C1orf105: variants seen among roughly 807,000 people sequenced by gnomAD.
The protein encoded by C1orf105 is uncharacterized protein C1orf105.
C1orf105 carries 17 observed loss-of-function variants against 20.8 expected under a neutral mutation model. The ratio of observed to expected loss-of-function variants is 0.82; its 90% CI spans 0.56 to 1.23. The LOEUF (loss-of-function observed/expected upper bound fraction) is 1.23. Ranked by LOEUF, C1orf105 falls within the 50% of genes most tolerant of loss-of-function variation. The probability of loss-of-function intolerance (pLI) is 0.00; values close to 1 mark genes in which losing one functional copy is unlikely to be tolerated. For missense variants in C1orf105, 219 were observed against 213.5 expected, an observed-to-expected ratio of 1.03 and a Z score of -0.16; for synonymous variants, 72 against 72.1, an observed-to-expected ratio of 1.00 and a Z score of 0.01.
At chr1:172,421,797 C>T (rs953797350) in intron 1 of C1orf105, among the ~76,000 whole-genome samples, 1 of 152,176 alleles carries the variant, frequency 6.6e-6, no homozygotes, top group Non-Finnish European at 1.5e-5. Flanking sequence ...ACCCCTCCCC[C>T]ATCCCCTGGC....
At chr1:172,452,751 T>C (rs1648793063) in intron 3 of C1orf105, 1 of 1,284,614 alleles carries the variant, frequency 7.8e-7, no homozygotes, top group Non-Finnish European at 9.9e-7. Flanking sequence ...TTGGCCAGGC[T>C]ACACATAGGT....
chr1:172,457,946 C>T (rs1285399177), intron 4 of C1orf105, among the ~76,000 whole-genome samples: 1 of 152,228 alleles, frequency 6.6e-6, no homozygotes, highest in Non-Finnish European at 1.5e-5. Flanking sequence ...AGTAATACCT[C>T]AAAGTCCTCC....
intron 1 of C1orf105, chr1:172,442,792 A>G: frequency 3.3e-6 from 2 of 608,216 alleles, no homozygotes; most frequent in Non-Finnish European, 5.9e-6. Context: ...CCTACAATAG[A>G]TGAATTTGTC....
intron 3 of C1orf105, among the ~76,000 whole-genome samples, chr1:172,450,430 A>G (rs1394351289): frequency 6.6e-6 from 1 of 152,260 alleles, no homozygotes; most frequent in Admixed American, 6.5e-5. Flanking sequence ...TACTGCGTGT[A>G]TGAAGGCCTG....
At chr1:172,442,687 T>C (rs918683612) in intron 1 of C1orf105, 10 of 1,405,304 alleles carry the variant, frequency 7.1e-6, no homozygotes, top group Non-Finnish European at 9.9e-6. Context: ...GTGGTTCTTG[T>C]TCTTTATGAA....
chr1:172,446,819 A>G (rs1209449124), intron 2 of C1orf105, among the ~76,000 whole-genome samples: 1 of 152,212 alleles, frequency 6.6e-6, no homozygotes. Context: ...TTGACAGCCA[A>G]CTGGAAAGGG....
intron 1 of C1orf105, among the ~76,000 whole-genome samples, chr1:172,437,639 C>T (rs1039935410): frequency 8.0e-5 from 12 of 150,782 alleles, no homozygotes; most frequent in East Asian, 2.0e-4. Context: ...ATGTAAATGA[C>T]GAGTTGATGG....
intron 3 of C1orf105, among the ~76,000 whole-genome samples, chr1:172,449,143 G>C (rs1648331126): frequency 6.6e-6 from 1 of 152,254 alleles, no homozygotes; most frequent in South Asian, 2.1e-4. Context: ...TAAGGCACTC[G>C]ACACGGTGCC....
intron 4 of C1orf105, among the ~76,000 whole-genome samples, chr1:172,458,897 A>G (rs1649497543): frequency 6.6e-6 from 1 of 152,234 alleles, no homozygotes; most frequent in African/African-American, 2.4e-5. Context: ...TCTTATGTTT[A>G]TAAACAATTG....
In C1orf105 at chr1:172,454,459, G is replaced by T. The variant is rs945901646; in HGVS notation, c.199-1956G>T. On this transcript the variant is annotated intron_variant, in intron 3 of 6. Transcript: ENST00000367727. ...GGGATATCACCCCCAGGGGTATCAG[G>T]AAGACATGGTAGAAAGTTGAATCAG... Among the ~76,000 whole-genome samples the T allele has an allele frequency of 2.6e-5, 4 of 151,944 alleles. No homozygotes were observed. In the South Asian group the frequency reaches 8.3e-4, roughly 32 times the overall value.
intron 3 of C1orf105, among the ~76,000 whole-genome samples, chr1:172,450,863 G>A (rs1374110473): frequency 6.6e-6 from 1 of 152,194 alleles, no homozygotes; most frequent in Non-Finnish European, 1.5e-5. Context: ...ACACAGAGAT[G>A]AGGGACAAAA....
intron 2 of C1orf105, among the ~76,000 whole-genome samples, chr1:172,447,033 G>C (rs1422006557): frequency 6.6e-6 from 1 of 152,186 alleles, no homozygotes; most frequent in African/African-American, 2.4e-5. Context: ...CTCTCAGGAG[G>C]ACAAGACGGG....
At chr1:172,463,826 T>C (rs535231884) in intron 5 of C1orf105, among the ~76,000 whole-genome samples, 1 of 152,354 alleles carries the variant, frequency 6.6e-6, no homozygotes, top group East Asian at 1.9e-4. Context: ...TAAAATCATG[T>C]CAACATCAAC....
In C1orf105 at chr1:172,462,231, T is replaced by C. The variant is rs781564778; in HGVS notation, c.327T>C (p.Asn109=). ...IPDDPKASFE[N]CMSYRMSLHQ... ...ATGATCCAAAAGCATCCTTTGAGAA[T>C]TGTATGAGTTATAGGTAAGTCAACA... Residue 109 remains asparagine (N), a synonymous_variant, in exon 5 of 7, where the codon AAT becomes AAC. Transcript: ENST00000367727. 6.2e-7 allele frequency: 1 copy of C among 1,608,576 alleles called. No individual in the cohort carries two copies. Among genetic ancestry groups the C allele is most frequent in the Non-Finnish European group, 8.5e-7 (1 of 1,176,670 alleles).
intron 1 of C1orf105, among the ~76,000 whole-genome samples, chr1:172,436,927 G>C (rs900090425): frequency 1.3e-5 from 2 of 152,148 alleles, no homozygotes; most frequent in African/African-American, 4.8e-5. Flanking sequence ...AGTGGGCAAA[G>C]GATATGAACA....
At chr1:172,464,154 G>A (rs1649884481) in intron 5 of C1orf105, among the ~76,000 whole-genome samples, 1 of 152,112 alleles carries the variant, frequency 6.6e-6, no homozygotes, top group Non-Finnish European at 1.5e-5. Flanking sequence ...AGGAAGAGAG[G>A]GAGAAAAGAT....
intron 3 of C1orf105, among the ~76,000 whole-genome samples, chr1:172,455,323 G>T (rs1021091662): frequency 6.6e-6 from 1 of 152,098 alleles, no homozygotes; most frequent in Non-Finnish European, 1.5e-5. Context: ...CTCACTTTCT[G>T]TTCCTCCTCT....
chr1:172,442,244 T>A (rs1647391261), intron 1 of C1orf105: 1 of 1,613,834 alleles, frequency 6.2e-7, no homozygotes, highest in East Asian at 2.2e-5. Flanking sequence ...GTGAAAGTAA[T>A]GAAGACTAGG....
chr1:172,445,916 A>G (rs983519773), intron 2 of C1orf105, among the ~76,000 whole-genome samples: 9 of 152,180 alleles, frequency 5.9e-5, no homozygotes, highest in African/African-American at 2.2e-4. Context: ...GGCATTCGAA[A>G]CAGCTCGTTA....
Sources: allele counts gnomAD v4.1 joint callset (sites outside exome capture counted in the v4.1 genomes callset), GRCh38; gene constraint gnomAD v4.1.1; transcripts MANE v1.5; gene names NCBI Gene and HGNC (gene_info 2026-07-23, HGNC 2026-07-21).